The following NELL2 variants were observed in gnomAD, a reference collection of about 807,000 sequenced individuals.
The protein encoded by NELL2 is neural EGFL like 2, also known as protein kinase C-binding protein NELL2.
In NELL2, 41 loss-of-function variants were observed where a neutral mutation model predicts 109.6. The observed-to-expected ratio is 0.37, with a 90% CI of 0.29 to 0.49. The LOEUF is 0.49. Ranked by LOEUF, NELL2 falls within the 20% of genes least tolerant of loss-of-function variation. The probability of loss-of-function intolerance (pLI) is 0.98; values close to 1 mark genes in which losing one functional copy is unlikely to be tolerated. For missense variants in NELL2, 900 were observed against 1,008.3 expected (o/e 0.89, Z 1.45); for synonymous variants, 355 against 344.7 (o/e 1.03, Z -0.33).
At chr12:44,778,848 G>A (rs1941848411) in intron 5 of NELL2, among the ~76,000 whole-genome samples, 1 of 152,160 alleles carries the variant, frequency 6.6e-6, no homozygotes. Flanking sequence ...AACAGGCAAT[G>A]CTTAAATAAG....
intron 2 of NELL2, among the ~76,000 whole-genome samples, chr12:44,851,111 C>T (rs79111551): frequency 0.016 from 2,398 of 152,214 alleles, 81 homozygotes; most frequent in African/African-American, 0.055. Flanking sequence ...TAATTCAACA[C>T]TTACCTTTTT....
chr12:44,707,387 T>A lies in NELL2; in HGVS notation c.1190-3533A>T, dbSNP rs59464920. Among the ~76,000 whole-genome samples, 39 of 152,200 alleles carry A rather than the reference T, an allele frequency of 2.6e-4. 1 individual carries two copies. In the East Asian group the frequency reaches 6.2e-3, roughly 24 times the overall value. ...ATGTAGGGGTATAGCTGAGAACACA[T>A]CGAGCCTCAAAATAAAGCTATCTCA... On this transcript the variant is annotated intron_variant, in intron 11 of 19. Transcript: ENST00000429094.
chr12:44,896,056 G>C (rs566242820), intron 1 of NELL2, among the ~76,000 whole-genome samples: 1 of 152,284 alleles, frequency 6.6e-6, no homozygotes, highest in Non-Finnish European at 1.5e-5. Flanking sequence ...AAGAGTCCGA[G>C]ATTTCCATGT....
At chr12:44,854,168 T>C (rs1944608871) in intron 2 of NELL2, among the ~76,000 whole-genome samples, 1 of 152,198 alleles carries the variant, frequency 6.6e-6, no homozygotes. Flanking sequence ...CAGTACAATG[T>C]GTTAGACTGT....
At chr12:44,527,924 C>G (rs572044750) in intron 16 of NELL2, among the ~76,000 whole-genome samples, 16 of 151,540 alleles carry the variant, frequency 1.1e-4, no homozygotes, top group Non-Finnish European at 2.4e-4. Context: ...GAAACCCCGT[C>G]TCTACTAAAA....
chr12:44,667,753 G>A (rs1947975349), intron 12 of NELL2, among the ~76,000 whole-genome samples: 1 of 152,188 alleles, frequency 6.6e-6, no homozygotes, highest in Admixed American at 6.5e-5. Flanking sequence ...GAGAAGTGAA[G>A]CAGTTGGCCC....
At chr12:44,808,609 G>A (rs1943078848) in intron 3 of NELL2, among the ~76,000 whole-genome samples, 1 of 151,882 alleles carries the variant, frequency 6.6e-6, no homozygotes, top group African/African-American at 2.4e-5. Flanking sequence ...TAAATAAAGT[G>A]CAAGCAGAAA....
At chr12:44,796,661 C>T (rs115589617) in intron 3 of NELL2, among the ~76,000 whole-genome samples, 2,196 of 152,028 alleles carry the variant, frequency 0.014, 51 homozygotes, top group African/African-American at 0.05. Context: ...AACACTACTA[C>T]AAAAGTTTTG....
chr12:44,788,235 G>A (rs373129763), intron 3 of NELL2, among the ~76,000 whole-genome samples: 2 of 152,196 alleles, frequency 1.3e-5, no homozygotes, highest in East Asian at 1.9e-4. Flanking sequence ...GCTCCAGATC[G>A]ACTGCAAGAA....
At chr12:44,618,195 T>G (rs1945910184) in intron 13 of NELL2, among the ~76,000 whole-genome samples, 1 of 152,196 alleles carries the variant, frequency 6.6e-6, no homozygotes, top group Admixed American at 6.5e-5. Context: ...TAGCAAATTC[T>G]CTAAAAGTCA....
intron 19 of NELL2, 134 bp from the exon 20 acceptor site, chr12:44,509,118 A>G (rs1940862380): frequency 2.8e-6 from 2 of 704,034 alleles, no homozygotes; most frequent in South Asian, 3.7e-5. Context: ...CAATGGCCCA[A>G]TCACTTTTCA....
chr12:44,713,134 A>G (rs1376984129), intron 10 of NELL2, among the ~76,000 whole-genome samples: 2 of 151,572 alleles, frequency 1.3e-5, no homozygotes, highest in African/African-American at 4.8e-5. Flanking sequence ...TCTAAACCAC[A>G]ATTATCAGTA....
upstream of NELL2, among the ~76,000 whole-genome samples, chr12:44,877,942 G>T (rs529846974): frequency 6.6e-6 from 1 of 152,270 alleles, no homozygotes; most frequent in African/African-American, 2.4e-5. Flanking sequence ...GAGAATTAAA[G>T]ACCTTTCTAC....
At chr12:44,557,570 A>G (rs1943304717) in intron 15 of NELL2, among the ~76,000 whole-genome samples, 2 of 152,220 alleles carry the variant, frequency 1.3e-5, no homozygotes, top group African/African-American at 4.8e-5. Context: ...TGTCACTTCA[A>G]CTGAAGGTAA....
chr12:44,753,453 T>C (rs1940745449), intron 9 of NELL2, among the ~76,000 whole-genome samples: 1 of 152,208 alleles, frequency 6.6e-6, no homozygotes, highest in Non-Finnish European at 1.5e-5. Flanking sequence ...CCTCTCTGTC[T>C]TTATCATCCA....
chr12:44,832,930 A>C (rs780653979), intron 2 of NELL2, among the ~76,000 whole-genome samples: 13 of 152,218 alleles, frequency 8.5e-5, no homozygotes, highest in Non-Finnish European at 1.6e-4. Context: ...TCTGACAGGT[A>C]CAATGGTAAT....
rs575898263 is a variant in NELL2 at position 44,868,104 on chromosome 12, A to G, written c.184+7121T>C. On this transcript the variant is annotated intron_variant, in intron 2 of 19. Coordinates refer to ENST00000429094, the MANE Select transcript of NELL2 (RefSeq NM_001145108.2). ...CACTGCTCTCCAGCCTAGGTGAAAC[A>G]GTGAGGCTCCATCTCAAAAAAAAAA... Among the ~76,000 whole-genome samples the G allele has an allele frequency of 9.7e-4, 131 of 134,432 alleles. 1 individual carries two copies. Among genetic ancestry groups the G allele is most frequent in the Non-Finnish European group, 1.3e-3 (86 of 64,336 alleles). 88.2% of individuals were successfully genotyped at this position (134,432 alleles called of 152,430 possible). A position where few individuals can be genotyped will look rare whatever the true frequency, so the allele number is the denominator to read the frequency against.
At chr12:44,746,901 G>T (rs1232855930) in intron 9 of NELL2, among the ~76,000 whole-genome samples, 2 of 152,114 alleles carry the variant, frequency 1.3e-5, no homozygotes, top group Admixed American at 1.3e-4. Flanking sequence ...CGATTCTTCA[G>T]GGATCTAGAA....
At chr12:44,541,897 A>AT (rs932333003) in intron 15 of NELL2, among the ~76,000 whole-genome samples, 2 of 152,176 alleles carry the variant, frequency 1.3e-5, no homozygotes, top group Non-Finnish European at 2.9e-5. Flanking sequence ...AAGTTTAAGT[A>AT]TTTTTTTACA....
Sources: gnomAD v4.1 joint callset for allele counts (sites outside exome capture counted in the v4.1 genomes callset) on GRCh38, gnomAD v4.1.1 for gene constraint, MANE v1.5 for transcripts, NCBI Gene and HGNC (gene_info 2026-07-23, HGNC 2026-07-21) for gene names.